Variants in NTF3 observed in about 807,000 individuals in gnomAD.
NTF3 encodes the protein neurotrophin-3.
In NTF3, 8 loss-of-function variants were observed where a neutral mutation model predicts 26.3. The ratio of observed to expected loss-of-function variants is 0.30; its 90% CI spans 0.18 to 0.55. The LOEUF is 0.55. Among genes scored for constraint, NTF3 ranks in the 20% least tolerant of loss-of-function variants. The probability of loss-of-function intolerance (pLI) is 0.93; values close to 1 mark genes in which losing one functional copy is unlikely to be tolerated. For synonymous variants in NTF3, 154 were observed against 145.5 expected (o/e 1.06, Z -0.42); for missense variants, 276 against 352.9 (o/e 0.78, Z 1.75).
chr12:5,477,813 G>A (rs1940742725), intron 1 of NTF3, among the ~76,000 whole-genome samples: 1 of 152,134 alleles, frequency 6.6e-6, no homozygotes, highest in Non-Finnish European at 1.5e-5. Context: ...CATTGTTTAG[G>A]ACACAGGACT....
At position 5,494,694 on chromosome 12, in the gene NTF3, C is replaced by T; in HGVS notation, c.519C>T (p.Thr173=). The part of the protein sequence containing the change: ...SVCDSESLWV[T]DKSSAIDIRG... ...GTGACAGTGAGAGTCTGTGGGTGAC[C>T]GACAAGTCATCGGCCATCGACATTC... The change falls in exon 2 of 2, where the codon ACC becomes ACT. Residue 173 remains threonine (T), a synonymous_variant. Transcript: ENST00000423158. This position sits in a 1 kb window ranked among gnomAD's most constrained non-coding sequence, Gnocchi z 8.3. 6.2e-6 allele frequency: 10 copies of T among 1,614,024 alleles called. No individual in the cohort carries two copies. The highest frequency in any genetic ancestry group is 8.5e-6 in the Non-Finnish European group (10 of 1,180,018).
At chr12:5,473,870 G>A (rs1430888856) in intron 1 of NTF3, among the ~76,000 whole-genome samples, 1 of 152,178 alleles carries the variant, frequency 6.6e-6, no homozygotes, top group Non-Finnish European at 1.5e-5. Flanking sequence ...AGTTTTGTGT[G>A]AGATCACCCA....
Position 5,433,421 on chromosome 12 carries a change from A to G in NTF3, c.18+1079A>G, listed in dbSNP as rs1245775452. On this transcript the variant is annotated intron_variant, in intron 1 of 1. Coordinates refer to ENST00000423158, the MANE Select transcript of NTF3 (RefSeq NM_001102654.2). This position sits in a 1 kb window ranked among gnomAD's most constrained non-coding sequence, Gnocchi z 4.6. Reference sequence around the variant, plus strand: ...GTGGATGCTCCTGATGAAATTTGGGACGCTTGGGAGTTGAAGGTTAGGGAC... The same window carrying G: ...GTGGATGCTCCTGATGAAATTTGGGGCGCTTGGGAGTTGAAGGTTAGGGAC... 1 of 152,272 alleles carries G rather than the reference A, an allele frequency of 6.6e-6. No homozygotes were observed. The highest frequency in any genetic ancestry group is 1.9e-4 in the East Asian group (1 of 5,158). 9.4% of individuals were successfully genotyped at this position (152,272 alleles called of 1,614,324 possible). A position where few individuals can be genotyped will look rare whatever the true frequency, so the allele number is the denominator to read the frequency against.
chr12:5,430,349 T>TGCTGTGTG (rs1274133127), upstream of NTF3, among the ~76,000 whole-genome samples: 8 of 151,944 alleles, frequency 5.3e-5, no homozygotes, highest in African/African-American at 1.9e-4. Context: ...ACCTTCATGG[T>TGCTGTGTG]GCTGTGTGGC....
chr12:5,452,886 C>G (rs1591595474), intron 1 of NTF3, among the ~76,000 whole-genome samples: 1 of 152,146 alleles, frequency 6.6e-6, no homozygotes, highest in African/African-American at 2.4e-5. Flanking sequence ...CTTCCTACTC[C>G]CCACCCCGAC....
At chr12:5,448,346 CTGT>C (rs1940332104) in intron 1 of NTF3, among the ~76,000 whole-genome samples, 1 of 152,116 alleles carries the variant, frequency 6.6e-6, no homozygotes, top group Non-Finnish European at 1.5e-5. Flanking sequence ...GTGGAATTTG[CTGT>C]TCCTTTTCAT....
At chr12:5,489,660 G>A (rs750985551) in intron 1 of NTF3, among the ~76,000 whole-genome samples, 13 of 152,302 alleles carry the variant, frequency 8.5e-5, no homozygotes, top group African/African-American at 1.4e-4. Context: ...AGCAAGAGGC[G>A]TCTTTAGGTA....
At chr12:5,457,385 T>C (rs1940465535) in intron 1 of NTF3, among the ~76,000 whole-genome samples, 1 of 152,186 alleles carries the variant, frequency 6.6e-6, no homozygotes, top group South Asian at 2.1e-4. Flanking sequence ...CATCGCCTTA[T>C]CACAGACCCT....
chr12:5,431,919 G>T (rs1046723610), upstream of NTF3, among the ~76,000 whole-genome samples: 48 of 150,618 alleles, frequency 3.2e-4, no homozygotes, highest in Non-Finnish European at 6.5e-4. Context: ...AGAGGGGCCA[G>T]GAGAAATGAC....
chr12:5,479,640 T>C (rs925033530), intron 1 of NTF3, among the ~76,000 whole-genome samples: 1 of 152,230 alleles, frequency 6.6e-6, no homozygotes, highest in Admixed American at 6.5e-5. Context: ...ACCTACTCTG[T>C]GCCCTGGATT....
intron 1 of NTF3, 68 bp downstream of exon 1, chr12:5,432,410 T>G (rs951240103): frequency 2.9e-5 from 45 of 1,568,776 alleles, no homozygotes; most frequent in South Asian, 1.2e-4. Flanking sequence ...GGGAGGGATT[T>G]TCCAGTGGAC....
At chr12:5,490,788 C>T (rs1490542577) in intron 1 of NTF3, among the ~76,000 whole-genome samples, 2 of 152,130 alleles carry the variant, frequency 1.3e-5, no homozygotes, top group African/African-American at 4.8e-5. Flanking sequence ...GGTCTGAGAT[C>T]CAAGCAGTCG....
intron 1 of NTF3, among the ~76,000 whole-genome samples, chr12:5,439,809 T>A (rs1940215732): frequency 6.6e-6 from 1 of 152,214 alleles, no homozygotes. Context: ...ATGGAGAGCA[T>A]GAGGTATCTT....
chr12:5,478,473 G>A (rs1329474671), intron 1 of NTF3, among the ~76,000 whole-genome samples: 11 of 140,856 alleles, frequency 7.8e-5, no homozygotes, highest in African/African-American at 2.8e-4. Flanking sequence ...CAGTCGGCAG[G>A]GATCCCCGCC....
At position 5,444,347 on chromosome 12, in the gene NTF3, A is replaced by G. The variant is rs191372436; in HGVS notation, c.18+12005A>G. Among the ~76,000 whole-genome samples the G allele has an allele frequency of 2.4e-3, 368 of 152,324 alleles. 4 individuals are homozygous for G. Among genetic ancestry groups the G allele is most frequent in the African/African-American group, 6.6e-3 (274 of 41,572 alleles). Reference sequence around the variant, plus strand: ...TGAGCAGGGGCTGGGGCAGAGATAAAAGGGAGATTCTCCCCAAACCAACAA... The same window carrying G: ...TGAGCAGGGGCTGGGGCAGAGATAAGAGGGAGATTCTCCCCAAACCAACAA... On this transcript the variant is annotated intron_variant, in intron 1 of 1. Transcript: ENST00000423158.
upstream of NTF3, among the ~76,000 whole-genome samples, chr12:5,431,127 A>G (rs1327883647): frequency 6.6e-6 from 1 of 151,818 alleles, no homozygotes; most frequent in East Asian, 1.9e-4. Context: ...CCCTCCCCCT[A>G]TCCTCTCCTC....
intron 1 of NTF3, among the ~76,000 whole-genome samples, chr12:5,478,744 T>C (rs183143173): frequency 6.6e-6 from 1 of 152,258 alleles, no homozygotes; most frequent in Non-Finnish European, 1.5e-5. Context: ...ATAAACGACT[T>C]TAACATTTTG....
At chr12:5,445,147 C>G (rs559974288) in intron 1 of NTF3, among the ~76,000 whole-genome samples, 8 of 152,210 alleles carry the variant, frequency 5.3e-5, no homozygotes, top group Admixed American at 5.2e-4. Context: ...TGACTTGCTC[C>G]AGAGAGGGCT....
intron 1 of NTF3, among the ~76,000 whole-genome samples, chr12:5,486,790 C>G (rs1324467673): frequency 1.3e-5 from 2 of 151,820 alleles, no homozygotes; most frequent in Non-Finnish European, 2.9e-5. Context: ...TTAAATGATT[C>G]AATAATTTGA....
Sources: allele counts gnomAD v4.1 joint callset (sites outside exome capture counted in the v4.1 genomes callset), GRCh38; gene constraint gnomAD v4.1.1; non-coding constraint Gnocchi (gnomAD v3.1); transcripts MANE v1.5; gene names NCBI Gene and HGNC (gene_info 2026-07-23, HGNC 2026-07-21).